Variants in KIRREL3 observed in about 807,000 individuals in gnomAD.
KIRREL3 encodes the protein kirre like nephrin family adhesion molecule 3, also known as kin of IRRE-like protein 3.
KIRREL3 carries 36 observed loss-of-function variants against 89.7 expected under a neutral mutation model. The observed-to-expected ratio is 0.40, with a 90% CI of 0.31 to 0.53. The LOEUF (loss-of-function observed/expected upper bound fraction) is 0.53. Among genes scored for constraint, KIRREL3 ranks in the 20% least tolerant of loss-of-function variants. The pLI is 0.49. For synonymous variants in KIRREL3, 445 were observed against 441.4 expected, an observed-to-expected ratio of 1.01 and a Z score of -0.10; for missense variants, 864 against 1,056.6, an observed-to-expected ratio of 0.82 and a Z score of 2.53.
In KIRREL3 at chr11:126,526,018, A is replaced by G. The variant is rs1256986115; in HGVS notation, c.283+520T>C. Among the ~76,000 whole-genome samples the G allele has an allele frequency of 1.3e-5, 2 of 152,128 alleles. No individual in the cohort carries two copies. Among genetic ancestry groups the G allele is most frequent in the African/African-American group, 4.8e-5 (2 of 41,428 alleles). On this transcript the variant is annotated intron_variant, in intron 3 of 16. Transcript: ENST00000525144. This position sits in a 1 kb window ranked among gnomAD's most constrained non-coding sequence, Gnocchi z 5.7. ...GCCTGCCCAAGCCGAACATAGTTGG[A>G]AATTTATTTTTAATACTTCCTGTCT...
At chr11:126,922,064 A>G (rs199635073) in intron 1 of KIRREL3, among the ~76,000 whole-genome samples, 1 of 147,816 alleles carries the variant, frequency 6.8e-6, no homozygotes, top group African/African-American at 2.5e-5. Context: ...CTATCCATCC[A>G]TCTTCCTGTC....
intron 1 of KIRREL3, among the ~76,000 whole-genome samples, chr11:126,745,078 G>GT (rs1292449815): frequency 6.6e-6 from 1 of 152,100 alleles, no homozygotes; most frequent in African/African-American, 2.4e-5. Flanking sequence ...TCCACGCCAG[G>GT]TATCACCTCC....
chr11:126,720,470 A>G (rs1486601311), intron 1 of KIRREL3, among the ~76,000 whole-genome samples: 1 of 152,268 alleles, frequency 6.6e-6, no homozygotes, highest in Admixed American at 6.5e-5. Flanking sequence ...CTGGTTAAAA[A>G]TCAGACCTAG....
Position 126,897,966 on chromosome 11 carries a change from G to A in KIRREL3, c.55+102489C>T, listed in dbSNP as rs2134817803. On this transcript the variant is annotated intron_variant, in intron 1 of 16. Transcript: ENST00000525144. This position sits in a 1 kb window ranked among gnomAD's most constrained non-coding sequence, Gnocchi z 4.2. ...GGAAGGGGGAGTGGGTGGGAGCTTG[G>A]ACTGTCCACACTGGTCTAGCACTAT... Among the ~76,000 whole-genome samples, 1 of 152,254 alleles carries A rather than the reference G, an allele frequency of 6.6e-6. No individual in the cohort carries two copies. The highest frequency in any genetic ancestry group is 1.9e-4 in the East Asian group (1 of 5,182).
intron 7 of KIRREL3, among the ~76,000 whole-genome samples, chr11:126,453,929 C>A (rs1175005629): frequency 2.0e-5 from 3 of 152,190 alleles, no homozygotes; most frequent in African/African-American, 7.2e-5. Context: ...GGCTGTGATA[C>A]TGTGAGCTCC....
intron 1 of KIRREL3, among the ~76,000 whole-genome samples, chr11:126,984,422 C>T (rs548440465): frequency 6.6e-6 from 1 of 152,220 alleles, no homozygotes; most frequent in South Asian, 2.1e-4. Flanking sequence ...AGCAGGTCTT[C>T]CTTGATTGAC....
Position 126,640,810 on chromosome 11 carries a change from C to T in KIRREL3, c.56-77898G>A, listed in dbSNP as rs1045699015. ...GGTTCTCCATTCTAGTCATTTCCCT[C>T]CTACGTCACTGACTTATTGCTGGCA... On this transcript the variant is annotated intron_variant, in intron 1 of 16. Transcript: ENST00000525144. This position sits in a 1 kb window ranked among gnomAD's most constrained non-coding sequence, Gnocchi z 4.9. 6.6e-6 allele frequency among the ~76,000 whole-genome samples: 1 copy of T among 152,172 alleles called. No homozygotes were observed. The highest frequency in any genetic ancestry group is 2.4e-5 in the African/African-American group (1 of 41,446).
At chr11:126,838,929 T>G (rs1943866365) in intron 1 of KIRREL3, among the ~76,000 whole-genome samples, 1 of 152,180 alleles carries the variant, frequency 6.6e-6, no homozygotes, top group South Asian at 2.1e-4. Context: ...ATTGTGTCTC[T>G]CACATTCCTG....
intron 11 of KIRREL3, among the ~76,000 whole-genome samples, chr11:126,438,416 T>C (rs2134170401): frequency 6.6e-6 from 1 of 152,346 alleles, no homozygotes; most frequent in South Asian, 2.1e-4. Flanking sequence ...ATTGTCACGC[T>C]GGACTGACCC....
rs1156684995 is a variant in KIRREL3, at chr11:126,558,183, C to T, written c.133+4652G>A. ...ATGGCTGAAGGGGAGGTCAAAACTT[C>T]GGTGCCTCTGCTTCTTCCCTCCTTT... is the stretch of plus-strand genomic sequence containing the variant. On this transcript the variant is annotated intron_variant, in intron 2 of 16. Coordinates refer to ENST00000525144, the MANE Select transcript of KIRREL3 (RefSeq NM_032531.4). This position sits in a 1 kb window ranked among gnomAD's most constrained non-coding sequence, Gnocchi z 4.0. 2.0e-5 allele frequency among the ~76,000 whole-genome samples: 3 copies of T among 152,146 alleles called. No individual in the cohort carries two copies. The highest frequency in any genetic ancestry group is 2.9e-5 in the Non-Finnish European group (2 of 68,036).
rs1307089764 is a variant in KIRREL3, at chr11:126,606,135, G to C, written c.56-43223C>G. Among the ~76,000 whole-genome samples, 1 of 152,094 alleles carries C rather than the reference G, an allele frequency of 6.6e-6. No individual in the cohort carries two copies. Among genetic ancestry groups the C allele is most frequent in the African/African-American group, 2.4e-5 (1 of 41,388 alleles). ...ATATTTGCTTCATAGAGCCTGTTTCGAGCATTCCAGCATAAGCCATGGGAA... is the reference window on the plus strand; with the variant it reads ...ATATTTGCTTCATAGAGCCTGTTTCCAGCATTCCAGCATAAGCCATGGGAA... On this transcript the variant is annotated intron_variant, in intron 1 of 16. Transcript: ENST00000525144. This position sits in a 1 kb window ranked among gnomAD's most constrained non-coding sequence, Gnocchi z 4.6.
intron 1 of KIRREL3, among the ~76,000 whole-genome samples, chr11:126,882,361 A>G (rs1592275665): frequency 6.6e-6 from 1 of 151,978 alleles, no homozygotes; most frequent in Non-Finnish European, 1.5e-5. Flanking sequence ...CCATTGCTGA[A>G]CCTCCTCTTT....
rs894847129 is a variant in KIRREL3, at chr11:126,929,663, G to A, written c.55+70792C>T. Among the ~76,000 whole-genome samples, 7 of 152,278 alleles carry A rather than the reference G, an allele frequency of 4.6e-5. No homozygotes were observed. In the East Asian group the frequency reaches 5.8e-4, roughly 13 times the overall value. ...GAGTTCCATCCAGGAAGCAGGCTGCGGCAGTGAGTCGCCCAGGCCTAGAAA... is the reference window on the plus strand; with the variant it reads ...GAGTTCCATCCAGGAAGCAGGCTGCAGCAGTGAGTCGCCCAGGCCTAGAAA... On this transcript the variant is annotated intron_variant, in intron 1 of 16. Coordinates refer to ENST00000525144, the MANE Select transcript of KIRREL3 (RefSeq NM_032531.4).
chr11:126,736,541 G>A lies in KIRREL3; in HGVS notation c.56-173629C>T, dbSNP rs1478197674. 6.6e-6 allele frequency among the ~76,000 whole-genome samples: 1 copy of A among 152,170 alleles called. No homozygotes were observed. The highest frequency in any genetic ancestry group is 2.1e-4 in the South Asian group (1 of 4,828). Reference sequence around the variant, plus strand: ...CCTGGGGGCGATTTTGTCCCCAGGGGACATTTGAGAACATCTGAAGATATT... The same window carrying A: ...CCTGGGGGCGATTTTGTCCCCAGGGAACATTTGAGAACATCTGAAGATATT... On this transcript the variant is annotated intron_variant, in intron 1 of 16. Coordinates refer to ENST00000525144, the MANE Select transcript of KIRREL3 (RefSeq NM_032531.4). The surrounding 1 kb of genome is among the most constrained non-coding windows in gnomAD (Gnocchi z 5.0).
In KIRREL3 at chr11:126,471,058, G is replaced by A. The variant is rs866344457; in HGVS notation, c.591+2251C>T. Among the ~76,000 whole-genome samples, 6 of 152,146 alleles carry A rather than the reference G, an allele frequency of 3.9e-5. No homozygotes were observed. The highest frequency in any genetic ancestry group is 4.1e-4 in the South Asian group (2 of 4,836). On this transcript the variant is annotated intron_variant, in intron 5 of 16. Transcript: ENST00000525144. This position sits in a 1 kb window ranked among gnomAD's most constrained non-coding sequence, Gnocchi z 5.4. ...GCCAACAGATCAGGAGACAACTGCC[G>A]TTGAAAAGACAGTTTGCGGCCGGGC...
At chr11:126,619,426 G>A (rs981157410) in intron 1 of KIRREL3, among the ~76,000 whole-genome samples, 2 of 152,226 alleles carry the variant, frequency 1.3e-5, no homozygotes, top group East Asian at 3.9e-4. Context: ...CCTAAGTGTG[G>A]TGGGATGCCA....
At chr11:126,988,183 C>A (rs1436925602) in intron 1 of KIRREL3, among the ~76,000 whole-genome samples, 1 of 152,138 alleles carries the variant, frequency 6.6e-6, no homozygotes, top group African/African-American at 2.4e-5. Context: ...TTATTTATTT[C>A]TTAATCCACT....
chr11:126,543,752 G>A (rs1247507652), intron 2 of KIRREL3, among the ~76,000 whole-genome samples: 1 of 152,188 alleles, frequency 6.6e-6, no homozygotes, highest in African/African-American at 2.4e-5. Context: ...ATACTTCAGG[G>A]CAAAAGTCGT....
intron 1 of KIRREL3, among the ~76,000 whole-genome samples, chr11:126,644,160 C>CA (rs2134942631): frequency 6.6e-6 from 1 of 152,214 alleles, no homozygotes; most frequent in African/African-American, 2.4e-5. Flanking sequence ...AGGGGACTAG[C>CA]ATGGTAGATT....
Sources: gnomAD v4.1 joint callset for allele counts (sites outside exome capture counted in the v4.1 genomes callset) on GRCh38, gnomAD v4.1.1 for gene constraint, Gnocchi (gnomAD v3.1) non-coding constraint, MANE v1.5 for transcripts, NCBI Gene and HGNC (gene_info 2026-07-23, HGNC 2026-07-21) for gene names.